EXTL3: variants seen among roughly 807,000 people sequenced by gnomAD.
The protein encoded by EXTL3 is exostosin like glycosyltransferase 3.
EXTL3 carries 27 observed loss-of-function variants against 69.3 expected under a neutral mutation model. The ratio of observed to expected loss-of-function variants is 0.39; its 90% CI spans 0.29 to 0.54. EXTL3 has a LOEUF of 0.54. Among genes scored for constraint, EXTL3 ranks in the 20% least tolerant of loss-of-function variants. EXTL3 has a pLI of 0.69. For synonymous variants in EXTL3, 511 were observed against 499.4 expected, an observed-to-expected ratio of 1.02 and a Z score of -0.31; for missense variants, 1,003 against 1,231.8, an observed-to-expected ratio of 0.81 and a Z score of 2.78.
chr8:28,732,244 G>A (rs752344768), intron 4 of EXTL3, among the ~76,000 whole-genome samples: 30 of 152,304 alleles, frequency 2.0e-4, no homozygotes, highest in African/African-American at 3.1e-4. Context: ...GGACTGGGAT[G>A]TTGGTTTAGG....
chr8:28,652,925 ATACCTCTCACCTCC>A (rs1806950132), intron 1 of EXTL3, among the ~76,000 whole-genome samples: 1 of 152,164 alleles, frequency 6.6e-6, no homozygotes, highest in Non-Finnish European at 1.5e-5. Context: ...GAATTCCCAT[ATACCTCTCACCTCC>A]ACACATGCAT....
intron 1 of EXTL3, among the ~76,000 whole-genome samples, chr8:28,648,417 T>G (rs1178515340): frequency 1.3e-5 from 2 of 152,160 alleles, no homozygotes; most frequent in African/African-American, 4.8e-5. Flanking sequence ...CCAGAGGTAA[T>G]GTTGAATAAG....
chr8:28,751,131 G>C lies in EXTL3; in HGVS notation c.*265G>C. 1.9e-6 allele frequency: 1 copy of C among 522,056 alleles called. No individual in the cohort carries two copies. The highest frequency in any genetic ancestry group is 3.3e-5 in the East Asian group (1 of 30,236). 32.3% of individuals were successfully genotyped at this position (522,056 alleles called of 1,614,324 possible). A position where few individuals can be genotyped will look rare whatever the true frequency, so the allele number is the denominator to read the frequency against. ...CACTGAGGACTGTGGCGACTCTGCA[G>C]AGTCACTCACACCGTTCGTACGCCC... is the stretch of plus-strand genomic sequence containing the variant. On this transcript the variant is annotated 3_prime_UTR_variant, in exon 7 of 7. Coordinates refer to ENST00000220562, the MANE Select transcript of EXTL3 (RefSeq NM_001440.4).
At chr8:28,652,540 G>A (rs771431943) in intron 1 of EXTL3, among the ~76,000 whole-genome samples, 8 of 152,024 alleles carry the variant, frequency 5.3e-5, no homozygotes, top group African/African-American at 7.2e-5. Flanking sequence ...TATGGACTCA[G>A]CTACTCAAGA....
intron 1 of EXTL3, among the ~76,000 whole-genome samples, chr8:28,681,041 C>CTAATTTTTGTATTT (rs1488595370): frequency 5.2e-4 from 79 of 152,042 alleles, no homozygotes; most frequent in African/African-American, 1.9e-3. Context: ...CCATGCCTGG[C>CTAATTTTTGTATTT]TAATTTTTGT....
At chr8:28,684,924 A>G (rs1441853464) in intron 1 of EXTL3, among the ~76,000 whole-genome samples, 2 of 79,878 alleles carry the variant, frequency 2.5e-5, no homozygotes, top group African/African-American at 4.7e-5. Flanking sequence ...TGCACATATC[A>G]TGATCCTTTG....
intron 1 of EXTL3, among the ~76,000 whole-genome samples, chr8:28,705,270 C>T (rs182261673): frequency 1.3e-5 from 2 of 152,112 alleles, no homozygotes; most frequent in African/African-American, 2.4e-5. Flanking sequence ...CCTTAATTTA[C>T]GAGTTAACAA....
intron 1 of EXTL3, among the ~76,000 whole-genome samples, chr8:28,688,892 A>G (rs955309981): frequency 2.0e-5 from 3 of 152,232 alleles, no homozygotes; most frequent in African/African-American, 7.2e-5. Flanking sequence ...GGAAGAGATG[A>G]AAGAAGAATC....
At chr8:28,744,752 C>T (rs1453154134) in intron 6 of EXTL3, among the ~76,000 whole-genome samples, 71 of 151,158 alleles carry the variant, frequency 4.7e-4, no homozygotes, top group Non-Finnish European at 1.0e-4. Flanking sequence ...AAGATCGCGC[C>T]ACTGCACTCC....
At chr8:28,722,273 AG>A (rs1801306537) in intron 3 of EXTL3, among the ~76,000 whole-genome samples, 1 of 152,206 alleles carries the variant, frequency 6.6e-6, no homozygotes, top group Non-Finnish European at 1.5e-5. Context: ...TGTCTGCCTT[AG>A]GATGCCCTTG....
At chr8:28,618,110 C>G (rs1041398474), upstream of EXTL3, among the ~76,000 whole-genome samples, 5 of 151,982 alleles carry the variant, frequency 3.3e-5, no homozygotes, top group African/African-American at 1.2e-4. Flanking sequence ...CTATTGAGCT[C>G]TATACTTAAA....
intron 1 of EXTL3, among the ~76,000 whole-genome samples, chr8:28,668,865 C>CTCTTATTTTTTTTTTTTT (rs1193812924): frequency 2.1e-5 from 2 of 94,476 alleles, no homozygotes; most frequent in African/African-American, 9.2e-5. Flanking sequence ...GATAGAATCT[C>CTCTTATTTTTTTTTTTTT]TTTTTTTTTT....
intron 3 of EXTL3, among the ~76,000 whole-genome samples, chr8:28,727,109 C>G (rs1443159752): frequency 6.6e-6 from 1 of 152,004 alleles, no homozygotes; most frequent in Non-Finnish European, 1.5e-5. Context: ...TGGTCTTGAA[C>G]TCCTGACCTC....
At chr8:28,710,613 C>CTTTT (rs11446791) in intron 1 of EXTL3, 91 of 272,776 alleles carry the variant, frequency 3.3e-4, no homozygotes, top group Non-Finnish European at 4.2e-4. Flanking sequence ...TTCTTTCTTT[C>CTTTT]TTTTTTTTTT....
At chr8:28,624,898 A>G (rs1458552298) in intron 1 of EXTL3, among the ~76,000 whole-genome samples, 1 of 152,224 alleles carries the variant, frequency 6.6e-6, no homozygotes, top group Non-Finnish European at 1.5e-5. Context: ...ATACAAATTC[A>G]TGGGCTAACT....
intron 4 of EXTL3, among the ~76,000 whole-genome samples, chr8:28,734,695 T>TAAAACAAAAC (rs555101633): frequency 1.3e-4 from 20 of 152,216 alleles, no homozygotes; most frequent in East Asian, 5.8e-4. Context: ...GCAACAGAGC[T>TAAAACAAAAC]AAAACAAAAC....
At chr8:28,672,928 G>T (rs138800751) in intron 1 of EXTL3, among the ~76,000 whole-genome samples, 53 of 152,272 alleles carry the variant, frequency 3.5e-4, no homozygotes, top group African/African-American at 1.0e-3. Context: ...CAGTTCTTGA[G>T]ATAGAGAGAT....
At chr8:28,709,215 A>G (rs927847844) in intron 1 of EXTL3, among the ~76,000 whole-genome samples, 2 of 152,364 alleles carry the variant, frequency 1.3e-5, no homozygotes, top group South Asian at 4.1e-4. Flanking sequence ...TGTACAGAAC[A>G]GGAATAACAG....
intron 1 of EXTL3, among the ~76,000 whole-genome samples, chr8:28,661,354 T>TAC (rs1430232129): frequency 6.7e-6 from 1 of 149,892 alleles, no homozygotes; most frequent in Non-Finnish European, 1.5e-5. Flanking sequence ...TATATATATA[T>TAC]ATACACACAC....
Sources: allele counts gnomAD v4.1 joint callset (sites outside exome capture counted in the v4.1 genomes callset), GRCh38; gene constraint gnomAD v4.1.1; transcripts MANE v1.5; gene names NCBI Gene and HGNC (gene_info 2026-07-23, HGNC 2026-07-21).